RAB33A: variants seen among roughly 807,000 people sequenced by gnomAD.
RAB33A encodes the protein ras-related protein Rab-33A.
In RAB33A, 6 loss-of-function variants were observed where a neutral mutation model predicts 12.0. The observed-to-expected ratio is 0.50, with a 90% CI of 0.27 to 0.99. RAB33A has a LOEUF of 0.99. Among genes scored for constraint, RAB33A ranks in the 50% least tolerant of loss-of-function variants. The probability of loss-of-function intolerance (pLI) is 0.11; values close to 1 mark genes in which losing one functional copy is unlikely to be tolerated. For synonymous variants in RAB33A, 70 were observed against 82.4 expected, an observed-to-expected ratio of 0.85 and a Z score of 0.81; for missense variants, 109 against 192.0, an observed-to-expected ratio of 0.57 and a Z score of 2.55.
the RAB33A span, chrX:130,137,301 T>C: frequency 1.7e-6 from 2 of 1,190,269 alleles, no homozygotes; most frequent in East Asian, 3.0e-5. Context: ...AGAGCTGCAA[T>C]CCAGGCCGAG....
upstream of RAB33A, chrX:130,171,864 AG>A (rs1263610185): frequency 1.8e-4 from 72 of 410,564 alleles, no homozygotes; most frequent in Non-Finnish European, 1.6e-4. Context: ...GAGGAGGAGG[AG>A]GGGGGCCCGG....
At chrX:130,129,193 C>T in the RAB33A span, among the ~76,000 whole-genome samples, 159 of 111,174 alleles carry the variant, frequency 1.4e-3, 1 homozygote, top group African/African-American at 5.1e-3. Flanking sequence ...GCAAAGAGGT[C>T]TGGAGGGGTG....
chrX:130,112,998 T>C, the RAB33A span, among the ~76,000 whole-genome samples: 1 of 109,419 alleles, frequency 9.1e-6, no homozygotes, highest in Non-Finnish European at 1.9e-5. Context: ...AATAATCACA[T>C]CAGGGTAAAT....
the RAB33A span, chrX:130,138,585 A>G: frequency 3.4e-6 from 4 of 1,176,688 alleles, no homozygotes; most frequent in Non-Finnish European, 4.6e-6. Flanking sequence ...TCACTCCTCA[A>G]TACTCACCCT....
At chrX:130,127,675 T>C in the RAB33A span, among the ~76,000 whole-genome samples, 1 of 102,438 alleles carries the variant, frequency 9.8e-6, no homozygotes, top group African/African-American at 3.7e-5. Context: ...TGTCACAGGA[T>C]ACTAGATGAG....
chrX:130,167,604 G>T (rs1569424996), upstream of RAB33A, among the ~76,000 whole-genome samples: 1 of 112,237 alleles, frequency 8.9e-6, no homozygotes, highest in African/African-American at 3.2e-5. Flanking sequence ...TTAGCCGGGC[G>T]CCATGGCATG....
At chrX:130,158,980 T>G in the RAB33A span, among the ~76,000 whole-genome samples, 1 of 111,376 alleles carries the variant, frequency 9.0e-6, no homozygotes, top group Non-Finnish European at 1.9e-5. Context: ...ATCTGTGGTC[T>G]CTCATCTGAA....
At chrX:130,168,185 AAAAG>A (rs1179898855), upstream of RAB33A, among the ~76,000 whole-genome samples, 3 of 110,377 alleles carry the variant, frequency 2.7e-5, no homozygotes, top group South Asian at 3.8e-4. Flanking sequence ...TCAAAAAAGA[AAAAG>A]AAAGAAATTA....
chrX:130,149,622 G>A, the RAB33A span: 7 of 850,352 alleles, frequency 8.2e-6, no homozygotes, highest in Non-Finnish European at 1.2e-5. Context: ...AGCTCATACT[G>A]TAAGTAATAT....
At chrX:130,121,998 A>C in the RAB33A span, among the ~76,000 whole-genome samples, 4 of 111,959 alleles carry the variant, frequency 3.6e-5, no homozygotes, top group African/African-American at 1.3e-4. Context: ...CTGAGCCTTG[A>C]GCTGTTCTGG....
chrX:130,113,077 C>CTTTTTTTTTT, the RAB33A span, among the ~76,000 whole-genome samples: 29 of 46,988 alleles, frequency 6.2e-4, no homozygotes, highest in Non-Finnish European at 7.8e-4. Context: ...TTTTTTCCTT[C>CTTTTTTTTTT]TTTTTTTTTT....
upstream of RAB33A, among the ~76,000 whole-genome samples, chrX:130,169,830 G>T (rs1263631156): frequency 8.9e-6 from 1 of 111,939 alleles, no homozygotes; most frequent in Non-Finnish European, 1.9e-5. Context: ...TTGGCAAAGG[G>T]CAAAGCCCCT....
intron 1 of RAB33A, among the ~76,000 whole-genome samples, chrX:130,182,209 A>T (rs1264315821): frequency 1.0e-5 from 1 of 99,851 alleles, no homozygotes; most frequent in Non-Finnish European, 2.0e-5. Flanking sequence ...ATATACACAC[A>T]ATATATATAA....
the RAB33A span, among the ~76,000 whole-genome samples, chrX:130,157,295 G>A: frequency 2.2e-4 from 25 of 112,361 alleles, no homozygotes; most frequent in Non-Finnish European, 3.9e-4. Context: ...GCTATGTAAT[G>A]ATGTGATGAT....
chrX:130,172,398 G>A, intron 1 of RAB33A, 78 bp downstream of exon 1: 1 of 1,102,843 alleles, frequency 9.1e-7, no homozygotes, highest in Non-Finnish European at 1.2e-6. Context: ...AGCGGTTGTC[G>A]TCGTCCAGCG....
the RAB33A span, among the ~76,000 whole-genome samples, chrX:130,158,121 G>A: frequency 2.7e-3 from 274 of 100,918 alleles, 1 homozygote; most frequent in African/African-American, 9.2e-3. Flanking sequence ...AAAATTAGCC[G>A]GGCGTGGTGG....
the RAB33A span, among the ~76,000 whole-genome samples, chrX:130,158,935 TA>T: frequency 9.0e-6 from 1 of 110,594 alleles, no homozygotes; most frequent in Admixed American, 9.7e-5. Flanking sequence ...TTCATAACGT[TA>T]GGCCACAGAC....
At chrX:130,181,994 A>C (rs1167130038) in intron 1 of RAB33A, among the ~76,000 whole-genome samples, 9 of 107,720 alleles carry the variant, frequency 8.4e-5, no homozygotes, top group Non-Finnish European at 1.5e-4. Context: ...TGAGATTTTA[A>C]TACTAACTTT....
the RAB33A span, chrX:130,165,743 C>T: frequency 1.3e-6 from 1 of 787,134 alleles, no homozygotes; most frequent in South Asian, 2.2e-5. Flanking sequence ...CGGCCAGCTC[C>T]CCCAGTCTCT....
Sources: allele counts gnomAD v4.1 joint callset (sites outside exome capture counted in the v4.1 genomes callset), GRCh38; gene constraint gnomAD v4.1.1; transcripts MANE v1.5; gene names NCBI Gene and HGNC (gene_info 2026-07-23, HGNC 2026-07-21).